ZNF487: variants seen among roughly 807,000 people sequenced by gnomAD.
ZNF487 encodes the protein KRAB domain only 1.
ZNF487 carries 4 observed loss-of-function variants against 3.0 expected under a neutral mutation model. The ratio of observed to expected loss-of-function variants is 1.35; its 90% confidence interval spans 0.66 to 3.08. The LOEUF (loss-of-function observed/expected upper bound fraction) is 3.08, where lower values mean the gene tolerates loss of function less well. Ranked by LOEUF, ZNF487 falls within the 30% of genes most tolerant of loss-of-function variation. The pLI, the probability that ZNF487 is intolerant of heterozygous loss-of-function variation, is 0.01. For missense variants in ZNF487, 146 were observed against 98.7 expected (o/e 1.48, Z -2.03); for synonymous variants, 55 against 34.6 (o/e 1.59, Z -2.06).
chr10:43,471,398 T>A (rs1840904175), intron 1 of ZNF487, among the ~76,000 whole-genome samples: 1 of 152,174 alleles, frequency 6.6e-6, no homozygotes, highest in Admixed American at 6.5e-5. Context: ...AGTTTTGCTG[T>A]CTGCAGACAG....
At chr10:43,438,148 G>C (rs1839452050) in intron 1 of ZNF487, among the ~76,000 whole-genome samples, 2 of 152,002 alleles carry the variant, frequency 1.3e-5, no homozygotes, top group Admixed American at 6.6e-5. Context: ...CTTGAATTTA[G>C]CAGATTAGGG....
At chr10:43,471,128 G>A (rs1310548508) in intron 1 of ZNF487, among the ~76,000 whole-genome samples, 6 of 152,110 alleles carry the variant, frequency 3.9e-5, no homozygotes, top group African/African-American at 1.4e-4. Context: ...TCATTGTGAT[G>A]CAGGATTTTT....
the ZNF487 span, among the ~76,000 whole-genome samples, chr10:43,502,409 G>A: frequency 1.3e-4 from 20 of 151,876 alleles, no homozygotes; most frequent in Admixed American, 3.3e-4. Flanking sequence ...GCATCAGGAG[G>A]TATACCTAAT....
At chr10:43,522,703 C>T in the ZNF487 span, among the ~76,000 whole-genome samples, 1 of 151,994 alleles carries the variant, frequency 6.6e-6, no homozygotes, top group African/African-American at 2.4e-5. Context: ...CATTGCAATC[C>T]AGCCTGGGCA....
intron 2 of ZNF487, 105 bp downstream of exon 2, chr10:43,475,952 A>C: frequency 1.5e-6 from 1 of 650,130 alleles, no homozygotes; most frequent in Non-Finnish European, 2.8e-6. Context: ...CTTGAGACTC[A>C]GGAGTTGAAG....
At chr10:43,503,826 T>C in the ZNF487 span, among the ~76,000 whole-genome samples, 1 of 152,312 alleles carries the variant, frequency 6.6e-6, no homozygotes, top group South Asian at 2.1e-4. Flanking sequence ...CAGGCTGGTC[T>C]CTAACTCCTG....
At chr10:43,469,018 A>G (rs1401036226) in intron 1 of ZNF487, among the ~76,000 whole-genome samples, 5 of 151,120 alleles carry the variant, frequency 3.3e-5, no homozygotes, top group Non-Finnish European at 7.4e-5. Flanking sequence ...AAAAAAAGAA[A>G]AAGAAAGGAA....
chr10:43,474,383 G>A (rs894805805), intron 1 of ZNF487, among the ~76,000 whole-genome samples: 3 of 151,036 alleles, frequency 2.0e-5, no homozygotes, highest in Non-Finnish European at 2.9e-5. Flanking sequence ...GAACCTGGGA[G>A]GTGGAGGTTG....
intron 1 of ZNF487, among the ~76,000 whole-genome samples, chr10:43,442,657 C>T (rs2132035053): frequency 6.6e-6 from 1 of 152,178 alleles, no homozygotes; most frequent in East Asian, 1.9e-4. Flanking sequence ...CTTGGCCAGG[C>T]TGGTCTTGAA....
intron 1 of ZNF487, 80 bp downstream of exon 1, chr10:43,437,342 T>TG: frequency 5.9e-6 from 1 of 168,448 alleles, no homozygotes; most frequent in Non-Finnish European, 1.3e-5. Context: ...CTGGGCCCGC[T>TG]GGGGGTGGGG....
At chr10:43,437,736 T>A (rs527605278) in intron 1 of ZNF487, among the ~76,000 whole-genome samples, 3 of 152,292 alleles carry the variant, frequency 2.0e-5, no homozygotes, top group East Asian at 1.9e-4. Flanking sequence ...TAGTTGCAAA[T>A]CTTTGAACTT....
chr10:43,481,722 C>G lies in ZNF487; in HGVS notation c.424C>G (p.Arg142Gly). Residue 142 changes from arginine (R) to glycine (G), a missense_variant, in exon 4 of 4, where the codon CGT becomes GGT. Physicochemically the swap from Arg to Gly is moderately radical, Grantham distance 125. Transcript: ENST00000437590. ...TGGGAAATTTCTCCTCTGTATGAAG[C>G]GTGAGAATCCTTATGCCAGAGGGAA... ...VRGKFLLCMK[R>G]ENPYARGKPL... The G allele has an allele frequency of 4.2e-6, 3 of 716,134 alleles. No homozygotes were observed. Among genetic ancestry groups the G allele is most frequent in the Non-Finnish European group, 7.8e-6 (3 of 384,760 alleles). The allele number at this position is 716,134 out of a possible 1,614,324, so 44.4% of individuals were successfully genotyped here. A position where few individuals can be genotyped will look rare whatever the true frequency, so the allele number is the denominator to read the frequency against.
the ZNF487 span, among the ~76,000 whole-genome samples, chr10:43,498,052 T>G: frequency 1.5e-5 from 2 of 136,152 alleles, no homozygotes; most frequent in Admixed American, 7.5e-5. Context: ...ACAGCATACC[T>G]ACTCTGTCCT....
At chr10:43,489,250 A>G in the ZNF487 span, among the ~76,000 whole-genome samples, 1 of 152,262 alleles carries the variant, frequency 6.6e-6, no homozygotes, top group Admixed American at 6.5e-5. Flanking sequence ...CAGGAGTTCA[A>G]GACCAACCTG....
chr10:43,441,034 ATTTTTTTTTTTTTTTTTT>A lies in ZNF487; in HGVS notation c.-94+3789_-94+3806del, dbSNP rs763451709. ...GGTAAATGCTACCACACCTGGTTAAATTTTTTTTTTTTTTTTTTTTTTTTTTTTTTTTTTGGTGGAGAC... is the reference window on the plus strand; with the variant it reads ...GGTAAATGCTACCACACCTGGTTAAATTTTTTTTTTTTTTTTGGTGGAGAC... On this transcript the variant is annotated intron_variant, in intron 1 of 3. Coordinates refer to ENST00000437590, the MANE Select transcript of ZNF487 (RefSeq NM_001355444.3). Among the ~76,000 whole-genome samples the A allele has an allele frequency of 3.6e-4, 16 of 44,546 alleles. No homozygotes were observed. In the South Asian group the frequency reaches 4.0e-3, roughly 11 times the overall value. The allele number at this position is 44,546 out of a possible 152,430, so 29.2% of individuals were successfully genotyped here.
chr10:43,503,514 A>C, the ZNF487 span, among the ~76,000 whole-genome samples: 1 of 152,220 alleles, frequency 6.6e-6, no homozygotes. Context: ...CTTCTCATTC[A>C]ATCACCATTG....
intron 1 of ZNF487, among the ~76,000 whole-genome samples, chr10:43,461,994 T>A (rs1009037542): frequency 3.9e-5 from 6 of 152,214 alleles, no homozygotes; most frequent in Non-Finnish European, 7.3e-5. Flanking sequence ...CTTTGCTTTT[T>A]GTCTCTTTAT....
intron 1 of ZNF487, among the ~76,000 whole-genome samples, chr10:43,460,714 A>G (rs923547707): frequency 1.3e-5 from 2 of 149,038 alleles, no homozygotes; most frequent in African/African-American, 5.0e-5. Context: ...TTTTTTTGAG[A>G]AAGAGTCTCA....
At chr10:43,470,437 G>T (rs972023213) in intron 1 of ZNF487, among the ~76,000 whole-genome samples, 3 of 152,182 alleles carry the variant, frequency 2.0e-5, no homozygotes, top group Non-Finnish European at 4.4e-5. Flanking sequence ...AGGCTGGAGT[G>T]CAATGGCGTG....
Sources: allele counts gnomAD v4.1 joint callset (sites outside exome capture counted in the v4.1 genomes callset), GRCh38; gene constraint gnomAD v4.1.1; transcripts MANE v1.5; gene names NCBI Gene and HGNC (gene_info 2026-07-23, HGNC 2026-07-21).